Variants in EFCAB6 observed in about 807,000 individuals in gnomAD.
EFCAB6 encodes the protein EF-hand calcium-binding domain-containing protein 6.
EFCAB6 carries 156 observed loss-of-function variants against 169.8 expected under a neutral mutation model. The observed-to-expected ratio is 0.92, with a 90% confidence interval of 0.81 to 1.05. The LOEUF (loss-of-function observed/expected upper bound fraction) is 1.05. EFCAB6 is among the 50% of genes least tolerant of loss of function. The pLI is 0.00. For missense variants in EFCAB6, 1,800 were observed against 1,829.1 expected, an observed-to-expected ratio of 0.98 and a Z score of 0.29; for synonymous variants, 698 against 676.4, an observed-to-expected ratio of 1.03 and a Z score of -0.50.
intron 10 of EFCAB6, among the ~76,000 whole-genome samples, chr22:43,696,915 C>T (rs569897619): frequency 1.3e-5 from 2 of 152,226 alleles, no homozygotes; most frequent in African/African-American, 4.8e-5. Flanking sequence ...AAAATATACA[C>T]TTAAAAATGA....
At chr22:43,557,437 A>C (rs1445770787) in intron 26 of EFCAB6, among the ~76,000 whole-genome samples, 1 of 152,236 alleles carries the variant, frequency 6.6e-6, no homozygotes, top group Non-Finnish European at 1.5e-5. Context: ...GCAAATAAAG[A>C]TTCAATTTAA....
intron 23 of EFCAB6, among the ~76,000 whole-genome samples, chr22:43,596,143 C>T (rs574957244): frequency 4.6e-5 from 7 of 152,126 alleles, no homozygotes; most frequent in Non-Finnish European, 1.0e-4. Flanking sequence ...TAATATGATA[C>T]TAACCAGGGA....
rs562741542 is a variant in EFCAB6, at chr22:43,724,580, G to A, written c.757+7119C>T. On this transcript the variant is annotated intron_variant, in intron 8 of 31. Coordinates refer to ENST00000262726, the MANE Select transcript of EFCAB6 (RefSeq NM_022785.4). ...AGACAGGGTTTCACTGTGTTGGCCA[G>A]GCTGGTCTTTAACTCCTGACCTCAA... Among the ~76,000 whole-genome samples, 20 of 152,114 alleles carry A rather than the reference G, an allele frequency of 1.3e-4. 1 individual carries two copies. The South Asian group carries it at 2.9e-3, about 22-fold the overall frequency.
intron 17 of EFCAB6, among the ~76,000 whole-genome samples, chr22:43,666,257 G>C (rs538932254): frequency 6.6e-6 from 1 of 152,046 alleles, no homozygotes; most frequent in African/African-American, 2.4e-5. Flanking sequence ...GACTATTTCA[G>C]TAGCTACCTA....
At chr22:43,675,264 T>C (rs2147016381) in intron 13 of EFCAB6, among the ~76,000 whole-genome samples, 1 of 140,166 alleles carries the variant, frequency 7.1e-6, no homozygotes, top group Admixed American at 7.5e-5. Flanking sequence ...GTGTATATAA[T>C]ATATTATGCT....
chr22:43,708,089 T>TAAAAAAAAAA (rs137824), intron 10 of EFCAB6, among the ~76,000 whole-genome samples: 2 of 115,534 alleles, frequency 1.7e-5, no homozygotes, highest in Non-Finnish European at 3.7e-5. Flanking sequence ...TAAAGAAAAC[T>TAAAAAAAAAA]AAAAAAAAAA....
At chr22:43,591,104 GTTTTT>G (rs1322016271) in intron 23 of EFCAB6, among the ~76,000 whole-genome samples, 1 of 104,382 alleles carries the variant, frequency 9.6e-6, no homozygotes, top group African/African-American at 3.7e-5. Flanking sequence ...GTTGTTTTTT[GTTTTT>G]TGTTTTTTTT....
chr22:43,662,159 AAATAATAATAAT>A lies in EFCAB6; in HGVS notation c.1983+4933_1983+4944del, dbSNP rs55680208. Among the ~76,000 whole-genome samples the A allele has an allele frequency of 9.9e-3, 1,356 of 137,168 alleles. 7 individuals carry two copies. The highest frequency in any genetic ancestry group is 0.022 in the African/African-American group (825 of 37,428). 90.0% of individuals were successfully genotyped at this position (137,168 alleles called of 152,430 possible). A position where few individuals can be genotyped will look rare whatever the true frequency, so the allele number is the denominator to read the frequency against. On this transcript the variant is annotated intron_variant, in intron 17 of 31. Transcript: ENST00000262726. Reference sequence around the variant, plus strand: ...GGTGACAGAGTGAGACTCCATTTCAAAATAATAATAATAATAATAATAATAATAATAATAATA... The same window carrying A: ...GGTGACAGAGTGAGACTCCATTTCAAAATAATAATAATAATAATAATAATA...
intron 8 of EFCAB6, 46 bp from the exon 9 acceptor site, chr22:43,717,018 A>G: frequency 1.9e-5 from 27 of 1,417,292 alleles, no homozygotes; most frequent in Non-Finnish European, 2.3e-5. Context: ...GTCAAAGGTT[A>G]AACATTTAAA....
chr22:43,599,368 G>T (rs1159656904), intron 23 of EFCAB6, among the ~76,000 whole-genome samples: 1 of 151,834 alleles, frequency 6.6e-6, no homozygotes, highest in Non-Finnish European at 1.5e-5. Context: ...AAATTAGCTG[G>T]TCGTGGTGGC....
rs376751799 is a variant in EFCAB6, at chr22:43,580,633, G to T, written c.3059C>A (p.Ala1020Asp). 125 of 1,613,938 alleles carry T rather than the reference G, an allele frequency of 7.7e-5. No homozygotes were observed. Among genetic ancestry groups the T allele is most frequent in the Non-Finnish European group, 9.8e-5 (116 of 1,180,028 alleles). The change falls in exon 25 of 32, where the codon GCT becomes GAT. Residue 1020 changes from alanine (A) to aspartate (D), a missense_variant. Physicochemically the swap from Ala to Asp is moderately radical, Grantham distance 126. Transcript: ENST00000262726. ...NSWGVSRHDN[A>D]INYLDFLRAV... ...TCTCAGGAAGTCGAGGTAATTGATAGCATTATCATGCCGGCTGACTCCCCA... is the reference window on the plus strand; with the variant it reads ...TCTCAGGAAGTCGAGGTAATTGATATCATTATCATGCCGGCTGACTCCCCA...
rs2049969395 is a variant in EFCAB6, at chr22:43,572,732, C to A, written c.3420+3565G>T. ...CCCTTCTGCTCTGCTCCATTTTTCT[C>A]CCAGCTGCTGCTGGAACCTGACATG... On this transcript the variant is annotated intron_variant, in intron 26 of 31. Transcript: ENST00000262726. This position sits in a 1 kb window ranked among gnomAD's most constrained non-coding sequence, Gnocchi z 4.0. Among the ~76,000 whole-genome samples, 1 of 152,216 alleles carries A rather than the reference C, an allele frequency of 6.6e-6. No homozygotes were observed. The highest frequency in any genetic ancestry group is 1.5e-5 in the Non-Finnish European group (1 of 68,038).
At chr22:43,665,404 C>T (rs997250537) in intron 17 of EFCAB6, among the ~76,000 whole-genome samples, 4 of 152,188 alleles carry the variant, frequency 2.6e-5, no homozygotes, top group Non-Finnish European at 4.4e-5. Context: ...TCTACTGCCA[C>T]TTCTCTAAGA....
In EFCAB6 at chr22:43,672,101, C is replaced by T. The variant is rs1569355894; in HGVS notation, c.1512G>A (p.Arg504=). ...VEEIVHDTIT[R]NLQAFYNMLR... ...GCATGTTATAAAAAGCTTGTAGGTT[C>T]CTAGTAATTGTATCATGAACAATTT... is the stretch of plus-strand genomic sequence containing the variant. Residue 504 remains arginine (R), a synonymous_variant, in exon 15 of 32, where the codon AGG becomes AGA. Transcript: ENST00000262726. 6.2e-7 allele frequency: 1 copy of T among 1,613,734 alleles called. No individual in the cohort carries two copies.
chr22:43,542,559 A>G (rs1472613329), intron 27 of EFCAB6, among the ~76,000 whole-genome samples: 3 of 152,160 alleles, frequency 2.0e-5, no homozygotes, highest in Non-Finnish European at 4.4e-5. Context: ...CAGCCTGGGC[A>G]AAAGAGCAAG....
In EFCAB6 at chr22:43,791,974, A is replaced by G. The variant is rs1052527594; in HGVS notation, c.-7-9649T>C. Among the ~76,000 whole-genome samples, 21 of 152,312 alleles carry G rather than the reference A, an allele frequency of 1.4e-4. 1 individual carries two copies. The highest frequency in any genetic ancestry group is 5.1e-4 in the African/African-American group (21 of 41,572). On this transcript the variant is annotated intron_variant, in intron 2 of 31. Transcript: ENST00000262726. ...CCTCGCTGGTTCCCACGGTTGGCCAATGGAGATGGGATCCCATGGACAAGT... is the reference window on the plus strand; with the variant it reads ...CCTCGCTGGTTCCCACGGTTGGCCAGTGGAGATGGGATCCCATGGACAAGT...
intron 2 of EFCAB6, among the ~76,000 whole-genome samples, chr22:43,808,491 G>A (rs887786817): frequency 1.3e-5 from 2 of 152,292 alleles, no homozygotes; most frequent in African/African-American, 2.4e-5. Context: ...CAAAAGGCAG[G>A]TGACCCCAAA....
chr22:43,547,888 G>A (rs1385368477), intron 27 of EFCAB6, among the ~76,000 whole-genome samples: 2 of 152,010 alleles, frequency 1.3e-5, no homozygotes, highest in Non-Finnish European at 2.9e-5. Flanking sequence ...TCAGGAGACT[G>A]AGACCATCCT....
intron 6 of EFCAB6, among the ~76,000 whole-genome samples, chr22:43,751,386 G>T (rs1174708188): frequency 1.3e-5 from 2 of 152,168 alleles, no homozygotes; most frequent in African/African-American, 2.4e-5. Flanking sequence ...GTCGGGAGTT[G>T]ACAAATGATA....
Sources: gnomAD v4.1 joint callset for allele counts (sites outside exome capture counted in the v4.1 genomes callset) on GRCh38, gnomAD v4.1.1 for gene constraint, Gnocchi (gnomAD v3.1) non-coding constraint, MANE v1.5 for transcripts, NCBI Gene and HGNC (gene_info 2026-07-23, HGNC 2026-07-21) for gene names.